The following HTR5A variants were observed in gnomAD, a reference collection of about 807,000 sequenced individuals.
The protein encoded by HTR5A is 5-HT-5.
A neutral mutation model predicts 24.3 loss-of-function variants in HTR5A; 21 were observed. The ratio of observed to expected loss-of-function variants is 0.86; its 90% CI spans 0.61 to 1.24. HTR5A has a LOEUF of 1.24. Ranked by LOEUF, HTR5A falls within the 50% of genes most tolerant of loss-of-function variation. The pLI, the probability that HTR5A is intolerant of heterozygous loss-of-function variation, is 0.00. For synonymous variants in HTR5A, 260 were observed against 213.7 expected, an observed-to-expected ratio of 1.22 and a Z score of -1.89; for missense variants, 497 against 489.5, an observed-to-expected ratio of 1.02 and a Z score of -0.15.
At chr7:155,076,504 A>G (rs1339630381) in intron 1 of HTR5A, among the ~76,000 whole-genome samples, 1 of 152,196 alleles carries the variant, frequency 6.6e-6, no homozygotes, top group Non-Finnish European at 1.5e-5. Context: ...ACTACTTATT[A>G]TATATCAAAC....
At position 155,076,170 on chromosome 7, in the gene HTR5A, T is replaced by C. The variant is rs1795357088; in HGVS notation, c.741+4530T>C. On this transcript the variant is annotated intron_variant, in intron 1 of 1. Transcript: ENST00000287907. ...ATGGTCACTAATTCACATGGTCATC[T>C]GTTTGTCCCGAGGTTCTTGGTTTAA... is the stretch of plus-strand genomic sequence containing the variant. 3.9e-5 allele frequency among the ~76,000 whole-genome samples: 6 copies of C among 152,358 alleles called. No individual in the cohort carries two copies. The South Asian group carries it at 1.2e-3, about 32-fold the overall frequency.
At position 155,084,375 on chromosome 7, in the gene HTR5A, G is replaced by GC; in HGVS notation, c.963dup (p.Ile322HisfsTer13). The stretch of plus-strand genomic sequence containing the variant: ...TGTGACATCCCCGCCATCTGGAAAA[G>GC]CATCTTCCTGTGGCTTGGCTACTCC... On this transcript the variant is annotated frameshift_variant, in exon 2 of 2. Transcript: ENST00000287907. LOFTEE classifies it high-confidence loss of function. The GC allele has an allele frequency of 6.2e-7, 1 of 1,614,148 alleles. No individual in the cohort carries two copies. Among genetic ancestry groups the GC allele is most frequent in the South Asian group, 1.1e-5 (1 of 91,078 alleles).
In HTR5A at chr7:155,070,526, C is replaced by G; in HGVS notation, c.-374C>G. ...CTGACGCACCAGCCCCTCTCCTGCA[C>G]CCACACGCTGCTGGCCGCCCAGCTT... On this transcript the variant is annotated 5_prime_UTR_variant, in exon 1 of 2. Coordinates refer to ENST00000287907, the MANE Select transcript of HTR5A (RefSeq NM_024012.4). The G allele has an allele frequency of 2.8e-6, 1 of 363,470 alleles. No individual in the cohort carries two copies. The highest frequency in any genetic ancestry group is 5.3e-6 in the Non-Finnish European group (1 of 188,980). 22.5% of individuals were successfully genotyped at this position (363,470 alleles called of 1,614,324 possible).
rs1252621083 is a variant in HTR5A, at chr7:155,086,128, C to T, written c.*1641C>T. On this transcript the variant is annotated 3_prime_UTR_variant, in exon 2 of 2. Transcript: ENST00000287907. ...CAAGTTACTTTTCCCCATTATTACT[C>T]GAAATCAGAGAGAATAACAAATGCT... is the stretch of plus-strand genomic sequence containing the variant. Among the ~76,000 whole-genome samples the T allele has an allele frequency of 1.3e-5, 2 of 152,126 alleles. No individual in the cohort carries two copies. Among genetic ancestry groups the T allele is most frequent in the Non-Finnish European group, 2.9e-5 (2 of 68,018 alleles).
rs769762819 is a variant in HTR5A, at chr7:155,071,200, G to T, written c.301G>T (p.Glu101Ter). 6.2e-7 allele frequency: 1 copy of T among 1,602,666 alleles called. No individual in the cohort carries two copies. Among genetic ancestry groups the T allele is most frequent in the African/African-American group, 1.3e-5 (1 of 74,930 alleles). The change falls in exon 1 of 2, where the codon GAG (glutamate) becomes TAG (stop). Residue 101 changes from glutamate (E) to a stop codon, truncating the protein, a stop_gained. Coordinates refer to ENST00000287907, the MANE Select transcript of HTR5A (RefSeq NM_024012.4). LOFTEE classifies it high-confidence loss of function. ...GGTCATGCCGCTGAGCCTGGTGCAC[G>T]AGCTGTCCGGGCGCCGCTGGCAGCT... ...ALVMPLSLVH[E>*]LSGRRWQLGR...
chr7:155,075,176 C>A (rs750164252), intron 1 of HTR5A, among the ~76,000 whole-genome samples: 1 of 152,160 alleles, frequency 6.6e-6, no homozygotes, highest in Non-Finnish European at 1.5e-5. Context: ...TTCCTAAGTG[C>A]GTGGGAACAT....
intron 1 of HTR5A, 79 bp downstream of exon 1, chr7:155,071,719 C>A: frequency 6.8e-7 from 1 of 1,460,780 alleles, no homozygotes; most frequent in Non-Finnish European, 9.2e-7. Flanking sequence ...GCCCCACCCC[C>A]ACACTTGTAG....
intron 1 of HTR5A, among the ~76,000 whole-genome samples, chr7:155,082,265 A>C (rs1426423464): frequency 6.6e-6 from 1 of 152,204 alleles, no homozygotes; most frequent in Non-Finnish European, 1.5e-5. Context: ...CAGCATCCAC[A>C]GTGTGAACAG....
rs139448245 is a variant in HTR5A at position 155,071,407 on chromosome 7, G to A, written c.508G>A (p.Ala170Thr). The A allele has an allele frequency of 3.2e-5, 52 of 1,614,036 alleles. No individual in the cohort carries two copies. Among genetic ancestry groups the A allele is most frequent in the African/African-American group, 8.0e-5 (6 of 74,942 alleles). Reference sequence around the variant, plus strand: ...GATCGCGCTCACCTGGGCACTCTCCGCTGTCATCTCTCTGGCCCCGCTGCT... The same window carrying A: ...GATCGCGCTCACCTGGGCACTCTCCACTGTCATCTCTCTGGCCCCGCTGCT... ...VMIALTWALS[A>T]VISLAPLLFG... is the part of the protein sequence containing the mutation. The change falls in exon 1 of 2, where the codon GCT (alanine) becomes ACT (threonine). Residue 170 changes from alanine (A) to threonine (T), a missense_variant. By Grantham distance (58) the Ala-to-Thr change is moderately conservative. Coordinates refer to ENST00000287907, the MANE Select transcript of HTR5A (RefSeq NM_024012.4).
At chr7:155,072,560 T>C (rs1174398310) in intron 1 of HTR5A, among the ~76,000 whole-genome samples, 1 of 152,228 alleles carries the variant, frequency 6.6e-6, no homozygotes, top group Admixed American at 6.5e-5. Flanking sequence ...TTCTGCAGGC[T>C]GCTCCCCCTT....
chr7:155,076,485 A>G (rs918359815), intron 1 of HTR5A, among the ~76,000 whole-genome samples: 3 of 152,316 alleles, frequency 2.0e-5, no homozygotes, highest in Admixed American at 2.0e-4. Flanking sequence ...ATTTTATGGG[A>G]GAGACTGGAC....
In HTR5A at chr7:155,070,471, C is replaced by T. The variant is rs1795274898; in HGVS notation, c.-429C>T. The stretch of plus-strand genomic sequence containing the variant: ...CCGGCTGCCTAGAGAGAAGGGTGGG[C>T]AGGGAGACAACGCGGTGAGAGCGAC... On this transcript the variant is annotated 5_prime_UTR_variant, in exon 1 of 2. Coordinates refer to ENST00000287907, the MANE Select transcript of HTR5A (RefSeq NM_024012.4). The T allele has an allele frequency of 2.5e-6, 1 of 407,294 alleles. No homozygotes were observed. Among genetic ancestry groups the T allele is most frequent in the South Asian group, 1.7e-5 (1 of 57,196 alleles). 25.2% of individuals were successfully genotyped at this position (407,294 alleles called of 1,614,324 possible). A position where few individuals can be genotyped will look rare whatever the true frequency, so the allele number is the denominator to read the frequency against.
Position 155,071,121 on chromosome 7 carries a change from G to A in HTR5A, c.222G>A (p.Val74=). The A allele has an allele frequency of 6.2e-7, 1 of 1,606,006 alleles. No individual in the cohort carries two copies. The highest frequency in any genetic ancestry group is 1.3e-5 in the African/African-American group (1 of 75,040). ...TCCGTGTACGCACCTTCCACCGCGT[G>A]CCCCACAACCTGGTGGCATCCATGG... ...TILRVRTFHR[V]PHNLVASMAV... is the part of the protein sequence containing the mutation. The change falls in exon 1 of 2, where the codon GTG becomes GTA. Residue 74 remains valine, a synonymous_variant. Coordinates refer to ENST00000287907, the MANE Select transcript of HTR5A (RefSeq NM_024012.4).
chr7:155,084,228 G>A lies in HTR5A; in HGVS notation c.815G>A (p.Gly272Glu), dbSNP rs1176771792. The change falls in exon 2 of 2, where the codon GGG becomes GAG. Residue 272 changes from glycine (G) to glutamate (E), a missense_variant. Gly to Glu is a moderately conservative substitution (Grantham distance 98). Transcript: ENST00000287907. ...GCCACCGTCACCTTCCAGCCAGAAG[G>A]GGACACGTGGCGGGAGCAGAAGGAG... ...RHATVTFQPE[G>E]DTWREQKEQR... The A allele has an allele frequency of 1.2e-6, 2 of 1,614,022 alleles. No individual in the cohort carries two copies. The highest frequency in any genetic ancestry group is 2.7e-5 in the African/African-American group (2 of 74,922).
chr7:155,078,748 C>CTTTTTTT (rs1398973517), intron 1 of HTR5A, among the ~76,000 whole-genome samples: 1 of 23,710 alleles, frequency 4.2e-5, no homozygotes. Context: ...ATTTTCTGTG[C>CTTTTTTT]TTCTTTTTTT....
chr7:155,085,376 G>A lies in HTR5A; in HGVS notation c.*889G>A, dbSNP rs921744366. ...ATCATGAGATTAGAGTAAAACAACT[G>A]CTGTAAGGTTGAGCATTTCATGACC... On this transcript the variant is annotated 3_prime_UTR_variant, in exon 2 of 2. Coordinates refer to ENST00000287907, the MANE Select transcript of HTR5A (RefSeq NM_024012.4). 1 of 114,722 alleles carries A rather than the reference G, an allele frequency of 8.7e-6. No homozygotes were observed. Among genetic ancestry groups the A allele is most frequent in the African/African-American group, 2.6e-5 (1 of 38,728 alleles). The allele number at this position is 114,722 out of a possible 1,614,324, so 7.1% of individuals were successfully genotyped here. A position where few individuals can be genotyped will look rare whatever the true frequency, so the allele number is the denominator to read the frequency against.
intron 1 of HTR5A, among the ~76,000 whole-genome samples, chr7:155,077,844 A>G (rs117801242): frequency 0.019 from 2,925 of 152,240 alleles, 54 homozygotes; most frequent in Non-Finnish European, 0.029. Context: ...TTTTCAGACA[A>G]CTTTAAAAAT....
At chr7:155,073,653 G>C (rs1283852739) in intron 1 of HTR5A, among the ~76,000 whole-genome samples, 1 of 151,690 alleles carries the variant, frequency 6.6e-6, no homozygotes, top group Non-Finnish European at 1.5e-5. Flanking sequence ...CCTCTCCCCT[G>C]ATGTTTATTC....
In HTR5A at chr7:155,085,748, T is replaced by G. The variant is rs1050464919; in HGVS notation, c.*1261T>G. The G allele has an allele frequency of 2.6e-5, 4 of 152,232 alleles. No individual in the cohort carries two copies. Among genetic ancestry groups the G allele is most frequent in the Non-Finnish European group, 5.9e-5 (4 of 68,030 alleles). 9.4% of individuals were successfully genotyped at this position (152,232 alleles called of 1,614,324 possible). On this transcript the variant is annotated 3_prime_UTR_variant, in exon 2 of 2. Coordinates refer to ENST00000287907, the MANE Select transcript of HTR5A (RefSeq NM_024012.4). ...AATTAAAGAATGATATAATAATCTCTGAATTATTGTAATTCATGTAGTATA... is the reference window on the plus strand; with the variant it reads ...AATTAAAGAATGATATAATAATCTCGGAATTATTGTAATTCATGTAGTATA...
Sources: allele counts gnomAD v4.1 joint callset (sites outside exome capture counted in the v4.1 genomes callset), GRCh38; gene constraint gnomAD v4.1.1; transcripts MANE v1.5; gene names NCBI Gene and HGNC (gene_info 2026-07-23, HGNC 2026-07-21).